Variants in PMEPA1 observed in about 807,000 individuals in gnomAD.
The protein encoded by PMEPA1 is prostate transmembrane protein, androgen induced 1.
In PMEPA1, 11 loss-of-function variants were observed where a neutral mutation model predicts 23.0. The observed-to-expected ratio is 0.48, with a 90% CI of 0.30 to 0.79. The LOEUF (loss-of-function observed/expected upper bound fraction) is 0.79, where lower values mean the gene tolerates loss of function less well. Ranked by LOEUF, PMEPA1 falls within the 30% of genes least tolerant of loss-of-function variation. The pLI is 0.06. For synonymous variants in PMEPA1, 204 were observed against 166.4 expected (o/e 1.23, Z -1.74); for missense variants, 377 against 390.9 (o/e 0.96, Z 0.30).
In PMEPA1 at chr20:57,683,480, G is replaced by GGAGC. The variant is rs1322679258; in HGVS notation, c.110-23787_110-23784dup. Among the ~76,000 whole-genome samples, 1 of 151,858 alleles carries GGAGC rather than the reference G, an allele frequency of 6.6e-6. No individual in the cohort carries two copies. The highest frequency in any genetic ancestry group is 1.5e-5 in the Non-Finnish European group (1 of 68,002). On this transcript the variant is annotated intron_variant, in intron 1 of 3. Transcript: ENST00000341744. The surrounding 1 kb of genome is among the most constrained non-coding windows in gnomAD (Gnocchi z 4.3). ...GAACATTCCTGCTTGGGAGCTTCCT[G>GGAGC]GAGCGAGCAGCCCTGCATGCATTAC...
chr20:57,676,902 C>T (rs1255332349), intron 1 of PMEPA1, among the ~76,000 whole-genome samples: 1 of 152,226 alleles, frequency 6.6e-6, no homozygotes, highest in African/African-American at 2.4e-5. Context: ...CTCCACCCTG[C>T]AGCCGGAACA....
At chr20:57,669,703 T>C (rs534645288) in intron 1 of PMEPA1, among the ~76,000 whole-genome samples, 4 of 152,302 alleles carry the variant, frequency 2.6e-5, no homozygotes, top group Non-Finnish European at 5.9e-5. Context: ...CCTATATTTA[T>C]GAGTGACTGT....
chr20:57,659,582 C>T lies in PMEPA1; in HGVS notation c.225G>A (p.Arg75=). The part of the protein sequence containing the change: ...YKLSARSFIS[R]HSQGRRREDA... ...CTTCTCTCCTCCGCCCCTGGCTGTG[C>T]CGGCTGATGAAGGACCGTGCAGACA... The change falls in exon 2 of 4, where the codon CGG becomes CGA. Residue 75 remains arginine (R), a synonymous_variant. Coordinates refer to ENST00000341744, the MANE Select transcript of PMEPA1 (RefSeq NM_020182.5). 6.2e-7 allele frequency: 1 copy of T among 1,613,780 alleles called. No individual in the cohort carries two copies. Among genetic ancestry groups the T allele is most frequent in the Non-Finnish European group, 8.5e-7 (1 of 1,179,902 alleles).
chr20:57,694,397 C>G (rs185825444), intron 1 of PMEPA1, among the ~76,000 whole-genome samples: 1 of 152,350 alleles, frequency 6.6e-6, no homozygotes, highest in Admixed American at 6.5e-5. Context: ...ATAATACTCA[C>G]GAAATCGACA....
chr20:57,699,495 T>C (rs1568685360), intron 1 of PMEPA1, among the ~76,000 whole-genome samples: 1 of 152,122 alleles, frequency 6.6e-6, no homozygotes. Flanking sequence ...GGCTGAGCTA[T>C]GTTAAAGAGC....
intron 2 of PMEPA1, among the ~76,000 whole-genome samples, chr20:57,657,704 C>A (rs990965840): frequency 1.3e-5 from 2 of 152,216 alleles, no homozygotes; most frequent in Non-Finnish European, 2.9e-5. Context: ...CTGATGCAAG[C>A]AGAGGTGTCC....
In PMEPA1 at chr20:57,652,018, A is replaced by T; in HGVS notation, c.*35T>A. 1 of 1,443,194 alleles carries T rather than the reference A, an allele frequency of 6.9e-7. No homozygotes were observed. Among genetic ancestry groups the T allele is most frequent in the Non-Finnish European group, 9.2e-7 (1 of 1,091,414 alleles). The allele number at this position is 1,443,194 out of a possible 1,614,324, so 89.4% of individuals were successfully genotyped here. A position where few individuals can be genotyped will look rare whatever the true frequency, so the allele number is the denominator to read the frequency against. ...GAAGCGCGGAGTGTTCTGCCTTTTC[A>T]CCTACGCAGCCCCAGCCCGGCCCCC... On this transcript the variant is annotated 3_prime_UTR_variant, in exon 4 of 4. Coordinates refer to ENST00000341744, the MANE Select transcript of PMEPA1 (RefSeq NM_020182.5). This position sits in a 1 kb window ranked among gnomAD's most constrained non-coding sequence, Gnocchi z 6.1.
rs1383021720 is a variant in PMEPA1 at position 57,659,701 on chromosome 20, T to A, written c.110-4A>T. 1 of 1,566,308 alleles carries A rather than the reference T, an allele frequency of 6.4e-7. No homozygotes were observed. ...ATCTGAACAAACTCCAGCTCCGCTG[T>A]GGAGACAAAGAGGGACACGTGAGAC... On this transcript the variant is annotated splice_region_variant and splice_polypyrimidine_tract_variant and intron_variant, in intron 1 of 3. Transcript: ENST00000341744.
chr20:57,679,957 C>A (rs548230649), intron 1 of PMEPA1, among the ~76,000 whole-genome samples: 3 of 152,202 alleles, frequency 2.0e-5, no homozygotes, highest in Non-Finnish European at 4.4e-5. Context: ...CCAGAGCCTG[C>A]GCCTTCCAGT....
chr20:57,701,178 A>G (rs2072005987), intron 1 of PMEPA1, among the ~76,000 whole-genome samples: 1 of 152,134 alleles, frequency 6.6e-6, no homozygotes. Flanking sequence ...ATTCCCATTA[A>G]CAACAGGTAC....
rs116560217 is a variant in PMEPA1, at chr20:57,690,868, G to A, written c.109+18606C>T. 4.3e-3 allele frequency among the ~76,000 whole-genome samples: 654 copies of A among 152,318 alleles called. 4 individuals carry two copies. The highest frequency in any genetic ancestry group is 0.015 in the African/African-American group (616 of 41,568). On this transcript the variant is annotated intron_variant, in intron 1 of 3. Coordinates refer to ENST00000341744, the MANE Select transcript of PMEPA1 (RefSeq NM_020182.5). The stretch of plus-strand genomic sequence containing the variant: ...AAAATGTGTGAGCATGCAGGTTCCT[G>A]CACTCGCCCCATTTCAGCTCACATC...
chr20:57,673,844 C>A (rs2071601436), intron 1 of PMEPA1, among the ~76,000 whole-genome samples: 1 of 152,184 alleles, frequency 6.6e-6, no homozygotes, highest in East Asian at 1.9e-4. Context: ...TAGTCCGGAC[C>A]CTGCTACCTG....
chr20:57,661,000 C>A (rs775150851), intron 1 of PMEPA1, among the ~76,000 whole-genome samples: 2 of 152,182 alleles, frequency 1.3e-5, no homozygotes, highest in African/African-American at 4.8e-5. Context: ...ACATCCATCC[C>A]AGGACTCACA....
At chr20:57,710,513 G>A, upstream of PMEPA1, 1 of 1,592,306 alleles carries the variant, frequency 6.3e-7, no homozygotes, top group East Asian at 2.3e-5. Context: ...AGCAGCTCGG[G>A]GATCATGGCC....
chr20:57,682,556 G>A lies in PMEPA1; in HGVS notation c.110-22859C>T, dbSNP rs1408243627. 6.6e-6 allele frequency among the ~76,000 whole-genome samples: 1 copy of A among 152,120 alleles called. No homozygotes were observed. Among genetic ancestry groups the A allele is most frequent in the East Asian group, 1.9e-4 (1 of 5,198 alleles). ...GAGGCTGCTGAATGCTACAGAGCAG[G>A]CTCCCGTGCCCACCGCCCCACACCT... On this transcript the variant is annotated intron_variant, in intron 1 of 3. Coordinates refer to ENST00000341744, the MANE Select transcript of PMEPA1 (RefSeq NM_020182.5). This position sits in a 1 kb window ranked among gnomAD's most constrained non-coding sequence, Gnocchi z 4.4.
rs760977982 is a variant in PMEPA1, at chr20:57,659,569, G to C, written c.238C>G (p.Arg80Gly). 1 of 1,613,880 alleles carries C rather than the reference G, an allele frequency of 6.2e-7. No individual in the cohort carries two copies. Among genetic ancestry groups the C allele is most frequent in the Admixed American group, 1.7e-5 (1 of 60,010 alleles). The change falls in exon 2 of 4, where the codon CGG (arginine) becomes GGG (glycine). Residue 80 changes from arginine to glycine, a missense_variant. Physicochemically the swap from Arg to Gly is moderately radical, Grantham distance 125. Transcript: ENST00000341744. ...RSFISRHSQG[R>G]RREDALSSEG... ...GAGGACAGGGCATCTTCTCTCCTCC[G>C]CCCCTGGCTGTGCCGGCTGATGAAG...
At chr20:57,663,589 C>T (rs575537977) in intron 1 of PMEPA1, among the ~76,000 whole-genome samples, 1 of 152,324 alleles carries the variant, frequency 6.6e-6, no homozygotes, top group Middle Eastern at 3.4e-3. Context: ...ATGACCTGCT[C>T]TGGAATCGCA....
At chr20:57,705,078 G>A (rs2072060730) in intron 1 of PMEPA1, among the ~76,000 whole-genome samples, 1 of 152,232 alleles carries the variant, frequency 6.6e-6, no homozygotes, top group African/African-American at 2.4e-5. Flanking sequence ...AAAGAGAAGA[G>A]GGCAGGAAAG....
chr20:57,663,400 TCTCC>T (rs1454017379), intron 1 of PMEPA1, among the ~76,000 whole-genome samples: 2 of 151,784 alleles, frequency 1.3e-5, no homozygotes, highest in Non-Finnish European at 2.9e-5. Flanking sequence ...TCCATCGCAG[TCTCC>T]CTGTGTCAGC....
Sources: gnomAD v4.1 joint callset for allele counts (sites outside exome capture counted in the v4.1 genomes callset) on GRCh38, gnomAD v4.1.1 for gene constraint, Gnocchi (gnomAD v3.1) non-coding constraint, MANE v1.5 for transcripts, NCBI Gene and HGNC (gene_info 2026-07-23, HGNC 2026-07-21) for gene names.